Variants in TNRC6A observed in about 807,000 individuals in gnomAD.
The protein encoded by TNRC6A is trinucleotide repeat containing adaptor 6A, also known as trinucleotide repeat-containing gene 6A protein.
Under a neutral mutation model 221.2 loss-of-function variants are expected in TNRC6A, and 44 were observed. The ratio of observed to expected loss-of-function variants is 0.20; its 90% CI spans 0.16 to 0.26. The LOEUF (loss-of-function observed/expected upper bound fraction) is 0.26. TNRC6A is among the 10% of genes least tolerant of loss of function. The pLI is 1.00. For missense variants in TNRC6A, 2,199 were observed against 2,404.4 expected, an observed-to-expected ratio of 0.91 and a Z score of 1.79; for synonymous variants, 847 against 838.5, an observed-to-expected ratio of 1.01 and a Z score of -0.18.
intron 2 of TNRC6A, among the ~76,000 whole-genome samples, chr16:24,664,568 T>A (rs2055108178): frequency 7.0e-6 from 1 of 142,626 alleles, no homozygotes; most frequent in African/African-American, 2.6e-5. Flanking sequence ...TAATAATATA[T>A]TTTAATTTAT....
At chr16:24,792,612 G>GTT (rs2058128630) in intron 6 of TNRC6A, among the ~76,000 whole-genome samples, 2 of 53,548 alleles carry the variant, frequency 3.7e-5, no homozygotes, top group African/African-American at 1.7e-4. Context: ...AACATTTATG[G>GTT]CTTTTTTTTT....
At chr16:24,659,429 C>G (rs908091052) in intron 2 of TNRC6A, among the ~76,000 whole-genome samples, 1 of 151,978 alleles carries the variant, frequency 6.6e-6, no homozygotes, top group African/African-American at 2.4e-5. Flanking sequence ...TCCCTTTTAC[C>G]AAGTGGTGGG....
At chr16:24,624,870 G>A (rs1001524689) in intron 1 of TNRC6A, among the ~76,000 whole-genome samples, 2 of 152,204 alleles carry the variant, frequency 1.3e-5, no homozygotes, top group African/African-American at 4.8e-5. Context: ...ATCAGTCACC[G>A]AACAGAGGTC....
At position 24,825,586 on chromosome 16, in the gene TNRC6A, T is replaced by C. The variant is rs973905177; in HGVS notation, c.*1779T>C. 1.8e-4 allele frequency: 27 copies of C among 152,680 alleles called. No individual in the cohort carries two copies. Among genetic ancestry groups the C allele is most frequent in the African/African-American group, 6.3e-4 (26 of 41,468 alleles). 9.5% of individuals were successfully genotyped at this position (152,680 alleles called of 1,614,324 possible). On this transcript the variant is annotated 3_prime_UTR_variant, in exon 25 of 25. Coordinates refer to ENST00000395799, the MANE Select transcript of TNRC6A (RefSeq NM_014494.4). ...AATCTAAGCAAATATTTGAACATTT[T>C]ATCTGAACTCATCACAATTTCACCC... is the stretch of plus-strand genomic sequence containing the variant.
intron 2 of TNRC6A, among the ~76,000 whole-genome samples, chr16:24,701,347 C>G (rs1248090953): frequency 1.3e-5 from 2 of 149,648 alleles, no homozygotes; most frequent in African/African-American, 5.0e-5. Flanking sequence ...CCTCTCCCAC[C>G]CACCTTACTA....
chr16:24,764,858 C>G (rs1211090326), intron 4 of TNRC6A, among the ~76,000 whole-genome samples: 2 of 151,900 alleles, frequency 1.3e-5, no homozygotes, highest in Non-Finnish European at 2.9e-5. Flanking sequence ...TATGCTTTTT[C>G]CTATACAACA....
chr16:24,762,976 C>T (rs1259345689), intron 4 of TNRC6A, among the ~76,000 whole-genome samples: 6 of 151,916 alleles, frequency 3.9e-5, no homozygotes, highest in South Asian at 2.1e-4. Flanking sequence ...ATTGATTAAG[C>T]GTGTAGATTT....
intron 2 of TNRC6A, among the ~76,000 whole-genome samples, chr16:24,680,490 C>G (rs373851272): frequency 5.3e-5 from 8 of 151,610 alleles, no homozygotes; most frequent in African/African-American, 1.9e-4. Flanking sequence ...GAGGTCGAGG[C>G]AGGCAGATCA....
At chr16:24,821,800 C>G (rs951681721) in intron 22 of TNRC6A, 2 of 478,542 alleles carry the variant, frequency 4.2e-6, no homozygotes, top group East Asian at 3.5e-5. Flanking sequence ...ATGAGAAGAT[C>G]TCAAAAAGAT....
At chr16:24,756,766 A>G (rs2057260719) in intron 3 of TNRC6A, among the ~76,000 whole-genome samples, 1 of 152,140 alleles carries the variant, frequency 6.6e-6, no homozygotes, top group Admixed American at 6.6e-5. Context: ...GTGCTGGGAT[A>G]ACAGGCGTGA....
At chr16:24,620,573 C>T (rs745994466) in intron 1 of TNRC6A, among the ~76,000 whole-genome samples, 20 of 152,028 alleles carry the variant, frequency 1.3e-4, no homozygotes, top group Middle Eastern at 3.2e-3. Context: ...TTTGGGAGGC[C>T]GACGCGGGCA....
intron 7 of TNRC6A, 89 bp from the exon 8 acceptor site, chr16:24,794,455 C>T (rs1473210745): frequency 2.1e-6 from 3 of 1,419,234 alleles, no homozygotes; most frequent in Non-Finnish European, 2.8e-6. Flanking sequence ...TTCTTAGGTT[C>T]TCTACCCAAT....
intron 5 of TNRC6A, among the ~76,000 whole-genome samples, chr16:24,777,759 A>G (rs780031175): frequency 2.6e-4 from 39 of 152,202 alleles, no homozygotes; most frequent in Non-Finnish European, 2.5e-4. Context: ...CTGACATACC[A>G]AGATGTTAAA....
chr16:24,779,765 A>G (rs1261938376), intron 5 of TNRC6A, among the ~76,000 whole-genome samples: 1 of 152,236 alleles, frequency 6.6e-6, no homozygotes, highest in Non-Finnish European at 1.5e-5. Flanking sequence ...GTTGTGAACT[A>G]CATGTAGTTC....
At chr16:24,651,857 T>A (rs1450051714) in intron 2 of TNRC6A, among the ~76,000 whole-genome samples, 1 of 150,988 alleles carries the variant, frequency 6.6e-6, no homozygotes, top group Non-Finnish European at 1.5e-5. Flanking sequence ...ATGCCAGGTC[T>A]GATGGCTCCC....
intron 2 of TNRC6A, among the ~76,000 whole-genome samples, chr16:24,735,025 T>C (rs1596570976): frequency 6.6e-6 from 1 of 152,198 alleles, no homozygotes; most frequent in Non-Finnish European, 1.5e-5. Context: ...CTCACACGGG[T>C]AATCCCAGCA....
At chr16:24,779,375 T>C (rs918973350) in intron 5 of TNRC6A, among the ~76,000 whole-genome samples, 3 of 152,220 alleles carry the variant, frequency 2.0e-5, no homozygotes, top group African/African-American at 2.4e-5. Context: ...ATTTGTACTT[T>C]TGTCTCTTAA....
intron 1 of TNRC6A, among the ~76,000 whole-genome samples, chr16:24,628,700 G>A (rs987989860): frequency 3.9e-5 from 6 of 152,146 alleles, no homozygotes; most frequent in Non-Finnish European, 5.9e-5. Flanking sequence ...CGTGTTAACC[G>A]ACTGTTTATG....
intron 2 of TNRC6A, among the ~76,000 whole-genome samples, chr16:24,673,050 TA>T (rs1189528518): frequency 6.6e-6 from 1 of 151,804 alleles, no homozygotes; most frequent in Non-Finnish European, 1.5e-5. Flanking sequence ...AAAAATATTT[TA>T]AAACTTAGCC....
Sources: allele counts gnomAD v4.1 joint callset (sites outside exome capture counted in the v4.1 genomes callset), GRCh38; gene constraint gnomAD v4.1.1; transcripts MANE v1.5; gene names NCBI Gene and HGNC (gene_info 2026-07-23, HGNC 2026-07-21).